Variants in DPYD observed in about 807,000 individuals in gnomAD.
The protein encoded by DPYD is dihydropyrimidine dehydrogenase.
Under a neutral mutation model 116.2 loss-of-function variants are expected in DPYD, and 109 were observed. The observed-to-expected ratio is 0.94, with a 90% CI of 0.80 to 1.10. The LOEUF (loss-of-function observed/expected upper bound fraction) is 1.10, where lower values mean the gene tolerates loss of function less well. DPYD is among the 50% of genes least tolerant of loss of function. The probability of loss-of-function intolerance (pLI) is 0.00; values close to 1 mark genes in which losing one functional copy is unlikely to be tolerated. For synonymous variants in DPYD, 440 were observed against 432.0 expected, an observed-to-expected ratio of 1.02 and a Z score of -0.23; for missense variants, 1,302 against 1,254.5, an observed-to-expected ratio of 1.04 and a Z score of -0.57.
intron 22 of DPYD, 67 bp from the exon 23 acceptor site, chr1:97,079,213 G>T: frequency 6.3e-7 from 1 of 1,576,920 alleles, no homozygotes; most frequent in Non-Finnish European, 8.7e-7. Context: ...CCATTTTAGC[G>T]TTAACATTTT....
chr1:97,603,672 T>C (rs1182162131), intron 8 of DPYD, among the ~76,000 whole-genome samples: 1 of 152,166 alleles, frequency 6.6e-6, no homozygotes, highest in Non-Finnish European at 1.5e-5. Flanking sequence ...AGTTACTTTC[T>C]GGAAGGCGTT....
intron 3 of DPYD, among the ~76,000 whole-genome samples, chr1:97,766,116 C>T (rs1665840556): frequency 6.6e-6 from 1 of 152,068 alleles, no homozygotes; most frequent in African/African-American, 2.4e-5. Flanking sequence ...TGACACATGC[C>T]TGTAATCCCA....
intron 16 of DPYD, among the ~76,000 whole-genome samples, chr1:97,338,101 A>G (rs565989179): frequency 6.6e-6 from 1 of 152,292 alleles, no homozygotes; most frequent in East Asian, 1.9e-4. Flanking sequence ...TACATGAAGT[A>G]TCAAGACATT....
intron 8 of DPYD, among the ~76,000 whole-genome samples, chr1:97,602,612 A>C (rs889489409): frequency 2.0e-5 from 3 of 151,944 alleles, no homozygotes; most frequent in Admixed American, 6.6e-5. Flanking sequence ...ATTTGGAAAA[A>C]ATACATAGAT....
intron 20 of DPYD, among the ~76,000 whole-genome samples, chr1:97,123,740 T>G (rs1483536740): frequency 6.6e-6 from 1 of 152,180 alleles, no homozygotes; most frequent in Non-Finnish European, 1.5e-5. Flanking sequence ...TTTCCCAAAT[T>G]TATTTTATAG....
At chr1:97,497,502 A>C (rs190293566) in intron 13 of DPYD, among the ~76,000 whole-genome samples, 3 of 152,046 alleles carry the variant, frequency 2.0e-5, no homozygotes. Context: ...AGCTACTTTA[A>C]CTGTCAATTA....
At chr1:97,716,916 A>G (rs751290571) in intron 5 of DPYD, among the ~76,000 whole-genome samples, 9 of 152,058 alleles carry the variant, frequency 5.9e-5, no homozygotes, top group Non-Finnish European at 1.2e-4. Flanking sequence ...ACATGAAAAA[A>G]TTCAATTTTT....
intron 11 of DPYD, among the ~76,000 whole-genome samples, chr1:97,553,662 T>C (rs1423746501): frequency 6.6e-6 from 1 of 152,090 alleles, no homozygotes; most frequent in Non-Finnish European, 1.5e-5. Context: ...GATTGTATTA[T>C]TCCTTTCTTG....
intron 14 of DPYD, among the ~76,000 whole-genome samples, chr1:97,414,483 G>A (rs1200867544): frequency 2.6e-5 from 4 of 152,118 alleles, no homozygotes; most frequent in East Asian, 1.9e-4. Flanking sequence ...GTACAGTTTC[G>A]GTCAAGCAGT....
chr1:97,598,291 TAGGTGGCATATTAATAAATA>T (rs899903438), intron 8 of DPYD, among the ~76,000 whole-genome samples: 1 of 151,854 alleles, frequency 6.6e-6, no homozygotes, highest in African/African-American at 2.4e-5. Context: ...TCTCTGAGAG[TAGGTGGCATATTAATAAATA>T]AGGTATGTGT....
intron 13 of DPYD, among the ~76,000 whole-genome samples, chr1:97,508,219 C>T (rs1351374993): frequency 2.6e-5 from 4 of 151,818 alleles, no homozygotes; most frequent in Non-Finnish European, 5.9e-5. Flanking sequence ...GGATGGAGAG[C>T]CTGGGTTTTG....
At chr1:97,691,479 C>A (rs937781454) in intron 7 of DPYD, 26 of 434,114 alleles carry the variant, frequency 6.0e-5, no homozygotes, top group Non-Finnish European at 1.1e-4. Context: ...TTCTTACAGA[C>A]AATTAATCAC....
At chr1:97,346,909 T>C (rs1669879958) in intron 16 of DPYD, among the ~76,000 whole-genome samples, 1 of 151,908 alleles carries the variant, frequency 6.6e-6, no homozygotes, top group Non-Finnish European at 1.5e-5. Context: ...TAGAACAATG[T>C]CTAGCATAAA....
chr1:97,603,741 T>C (rs1317743958), intron 8 of DPYD, among the ~76,000 whole-genome samples: 2 of 152,162 alleles, frequency 1.3e-5, no homozygotes, highest in East Asian at 1.9e-4. Flanking sequence ...CAGGCACTGA[T>C]AACCCCTTTA....
At chr1:97,331,493 C>A (rs1669000676) in intron 16 of DPYD, among the ~76,000 whole-genome samples, 1 of 151,956 alleles carries the variant, frequency 6.6e-6, no homozygotes, top group South Asian at 2.1e-4. Context: ...CAAACAACCC[C>A]CCTGCCAAAA....
At chr1:97,699,304 C>T (rs763984431) in intron 6 of DPYD, 47 bp downstream of exon 6, 15 of 1,562,830 alleles carry the variant, frequency 9.6e-6, no homozygotes, top group Non-Finnish European at 1.1e-5. Context: ...AATTGTTTTG[C>T]TCCATCATTT....
At chr1:97,588,594 C>T (rs1654300988) in intron 10 of DPYD, among the ~76,000 whole-genome samples, 9 of 152,138 alleles carry the variant, frequency 5.9e-5, no homozygotes, top group Admixed American at 5.2e-4. Flanking sequence ...TTCTGTTATC[C>T]TGTGAAATTT....
intron 20 of DPYD, among the ~76,000 whole-genome samples, chr1:97,174,981 C>T (rs1417147949): frequency 6.6e-6 from 1 of 152,100 alleles, no homozygotes; most frequent in African/African-American, 2.4e-5. Flanking sequence ...GGTAACTGCT[C>T]TTTTGTGTCT....
chr1:97,841,431 C>T (rs1277752080), intron 2 of DPYD, among the ~76,000 whole-genome samples: 1 of 151,866 alleles, frequency 6.6e-6, no homozygotes, highest in African/African-American at 2.4e-5. Flanking sequence ...ATCAACACAG[C>T]CTGGAAATAT....
Sources: gnomAD v4.1 joint callset for allele counts (sites outside exome capture counted in the v4.1 genomes callset) on GRCh38, gnomAD v4.1.1 for gene constraint, MANE v1.5 for transcripts, NCBI Gene and HGNC (gene_info 2026-07-23, HGNC 2026-07-21) for gene names.